KNL1: variants seen among roughly 807,000 people sequenced by gnomAD.
KNL1 encodes the protein kinetochore scaffold 1.
KNL1 carries 66 observed loss-of-function variants against 201.3 expected under a neutral mutation model. That is an observed-to-expected ratio of 0.33 (90% CI 0.27 to 0.40). The LOEUF (loss-of-function observed/expected upper bound fraction) is 0.40. Ranked by LOEUF, KNL1 falls within the 10% of genes least tolerant of loss-of-function variation. KNL1 has a pLI of 1.00. For missense variants in KNL1, 2,815 were observed against 2,690.5 expected (o/e 1.05, Z -1.02); for synonymous variants, 895 against 899.2 (o/e 1.00, Z 0.08).
At chr15:40,637,277 A>C (rs928570790) in intron 13 of KNL1, among the ~76,000 whole-genome samples, 1 of 149,058 alleles carries the variant, frequency 6.7e-6, no homozygotes, top group Non-Finnish European at 1.5e-5. Flanking sequence ...AGAGTTTACC[A>C]CAGTCCAGAT....
rs767848120 is a variant in KNL1 at position 40,624,229 on chromosome 15, TATGTG to T, written c.3968_3972del (p.Cys1323Ter). 6.2e-7 allele frequency: 1 copy of T among 1,613,996 alleles called. No homozygotes were observed. Among genetic ancestry groups the T allele is most frequent in the Non-Finnish European group, 8.5e-7 (1 of 1,179,946 alleles). On this transcript the variant is annotated frameshift_variant, in exon 10 of 26. Transcript: ENST00000399668. LOFTEE classifies it high-confidence loss of function. ...AATTTGGAGGGTAGTGCCATGCTCTTATGTGATAAAGATGAGGAAAAAGCCAATTA... is the reference window on the plus strand; with the variant it reads ...AATTTGGAGGGTAGTGCCATGCTCTTATAAAGATGAGGAAAAAGCCAATTA...
rs775508939 is a variant in KNL1, at chr15:40,622,645, TAAC to T, written c.2387_2389del (p.Thr796del). 2 of 1,593,832 alleles carry T rather than the reference TAAC, an allele frequency of 1.3e-6. No homozygotes were observed. Among genetic ancestry groups the T allele is most frequent in the African/African-American group, 1.4e-5 (1 of 73,838 alleles). On this transcript the variant is annotated inframe_deletion, in exon 10 of 26. Transcript: ENST00000399668. Reference sequence around the variant, plus strand: ...AATTTAGAACACACTACTGGCCAGCTAACAACAATGAACAGACAGATAGCTGTA... The same window carrying T: ...AATTTAGAACACACTACTGGCCAGCTAACAATGAACAGACAGATAGCTGTA...
rs761149870 is a variant in KNL1, at chr15:40,659,364, G to T, written c.6739G>T (p.Ala2247Ser). The T allele has an allele frequency of 1.2e-6, 2 of 1,612,490 alleles. No individual in the cohort carries two copies. Among genetic ancestry groups the T allele is most frequent in the African/African-American group, 1.3e-5 (1 of 74,920 alleles). ...ATTGAGACTTTTATTCTCTAGCTCC[G>T]CAGCATTTGCAAAGTTTGAAATAAC... ...NELRLLFSSS[A>S]AFAKFEITLF... The change falls in exon 25 of 26, where the codon GCA becomes TCA. Residue 2247 changes from alanine (A) to serine (S), a missense_variant. By Grantham distance (99) the Ala-to-Ser change is moderately conservative. Transcript: ENST00000399668.
At position 40,651,529 on chromosome 15, in the gene KNL1, C is replaced by A. The variant is rs1377753501; in HGVS notation, c.6271C>A (p.Gln2091Lys). The change falls in exon 20 of 26, where the codon CAA (glutamine) becomes AAA (lysine). Residue 2091 changes from glutamine (Q) to lysine (K), a missense_variant. Transcript: ENST00000399668. Reference sequence around the variant, plus strand: ...GACCCTTGCTCAAATAGACTTTATGCAAAAACAAAGAAATAGAACTGAAGA... The same window carrying A: ...GACCCTTGCTCAAATAGACTTTATGAAAAAACAAAGAAATAGAACTGAAGA... Reference protein sequence around the residue: ...EQTLAQIDFMQKQRNRTEELL... With the variant: ...EQTLAQIDFMKKQRNRTEELL... 2 of 1,609,056 alleles carry A rather than the reference C, an allele frequency of 1.2e-6. No individual in the cohort carries two copies. Among genetic ancestry groups the A allele is most frequent in the Admixed American group, 3.4e-5 (2 of 58,670 alleles).
chr15:40,623,552 A>G lies in KNL1; in HGVS notation c.3288A>G (p.Ile1096Met). The G allele has an allele frequency of 6.2e-7, 1 of 1,613,730 alleles. No individual in the cohort carries two copies. The highest frequency in any genetic ancestry group is 1.3e-5 in the African/African-American group (1 of 75,050). The change falls in exon 10 of 26, where the codon ATA becomes ATG. Residue 1096 changes from isoleucine (I) to methionine (M), a missense_variant. Physicochemically the swap from Ile to Met is conservative, Grantham distance 10. Transcript: ENST00000399668. ...MDITQSCMVE[I>M]DNESALEDKE... ...TTACCCAGAGTTGTATGGTGGAAAT[A>G]GATAACGAAAGTGCCCTGGAGGATA... is the stretch of plus-strand genomic sequence containing the variant.
Position 40,620,789 on chromosome 15 carries a change from C to T in KNL1, c.525C>T (p.Thr175=). The T allele has an allele frequency of 6.2e-7, 1 of 1,612,988 alleles. No individual in the cohort carries two copies. The change falls in exon 10 of 26, where the codon ACC becomes ACT. Residue 175 remains threonine (T), a synonymous_variant. Coordinates refer to ENST00000399668, the MANE Select transcript of KNL1 (RefSeq NM_144508.5). The stretch of plus-strand genomic sequence containing the variant: ...ATAATCCCATAAGTGAAAAGTCCAC[C>T]AAGATAGATACCACATCATTTCTAG... ...LLDNPISEKS[T]KIDTTSFLAN... is the part of the protein sequence containing the mutation.
rs144606646 is a variant in KNL1, at chr15:40,654,192, G to A, written c.6416-717G>A. Reference sequence around the variant, plus strand: ...AGTTAACTCTAGAGTCTGGGGGAGCGAGCAGCTATCTCAGCTACCTAAAAT... The same window carrying A: ...AGTTAACTCTAGAGTCTGGGGGAGCAAGCAGCTATCTCAGCTACCTAAAAT... On this transcript the variant is annotated intron_variant, in intron 21 of 25. Transcript: ENST00000399668. Among the ~76,000 whole-genome samples the A allele has an allele frequency of 6.4e-4, 97 of 152,140 alleles. 1 individual carries two copies. The highest frequency in any genetic ancestry group is 6.8e-3 in the Middle Eastern group (2 of 294).
intron 8 of KNL1, among the ~76,000 whole-genome samples, chr15:40,616,381 C>T (rs532227710): frequency 4.6e-5 from 7 of 152,262 alleles, no homozygotes; most frequent in African/African-American, 1.7e-4. Flanking sequence ...CCCGCCTCGG[C>T]CTCCCAAAGT....
intron 22 of KNL1, among the ~76,000 whole-genome samples, chr15:40,656,667 C>T (rs1489386575): frequency 2.0e-5 from 3 of 152,100 alleles, no homozygotes; most frequent in Admixed American, 2.0e-4. Flanking sequence ...GGGTGGATTA[C>T]CTGACATCAG....
Position 40,622,464 on chromosome 15 carries a change from GAGCCACTGAGGAAAAGTTTAAGCA to G in KNL1, c.2202_2225del (p.Glu734_Asn742delinsAsp). ...ACTAGGCCAGAATTCTAAACTGGCT[GAGCCACTGAGGAAAAGTTTAAGCA>G]ATCCCACACCTGACTATTGCCATGA... On this transcript the variant is annotated inframe_deletion, in exon 10 of 26. Transcript: ENST00000399668. The G allele has an allele frequency of 6.2e-7, 1 of 1,613,968 alleles. No individual in the cohort carries two copies. Among genetic ancestry groups the G allele is most frequent in the Non-Finnish European group, 8.5e-7 (1 of 1,179,914 alleles).
intron 12 of KNL1, 91 bp downstream of exon 12, chr15:40,628,769 A>G: frequency 1.3e-6 from 1 of 795,122 alleles, no homozygotes. Flanking sequence ...TTGGTTTAAA[A>G]AATTTTTTTT....
At chr15:40,636,427 A>T (rs1204902311) in intron 13 of KNL1, among the ~76,000 whole-genome samples, 1 of 152,204 alleles carries the variant, frequency 6.6e-6, no homozygotes, top group African/African-American at 2.4e-5. Flanking sequence ...AAAGTTTATG[A>T]TGAAACCTTT....
Position 40,610,255 on chromosome 15 carries a change from ACGG to A in KNL1, c.209_211del (p.Thr70_Glu71delinsLys), listed in dbSNP as rs774256085. 6.7e-7 allele frequency: 1 copy of A among 1,495,268 alleles called. No homozygotes were observed. Among genetic ancestry groups the A allele is most frequent in the East Asian group, 2.3e-5 (1 of 44,238 alleles). The allele number at this position is 1,495,268 out of a possible 1,614,324, so 92.6% of individuals were successfully genotyped here. A position where few individuals can be genotyped will look rare whatever the true frequency, so the allele number is the denominator to read the frequency against. On this transcript the variant is annotated inframe_deletion, in exon 6 of 26. Transcript: ENST00000399668. ...TATTTTCTCTTCTAGGGTATTCCAG[ACGG>A]AGTCTCATATGAAAATAGTGAGAAA...
chr15:40,612,532 T>C (rs967507798), intron 7 of KNL1, among the ~76,000 whole-genome samples: 57 of 151,936 alleles, frequency 3.8e-4, no homozygotes, highest in Non-Finnish European at 8.8e-5. Context: ...GTTTGTTTGT[T>C]GTTTAGACGG....
In KNL1 at chr15:40,657,064, C is replaced by A; in HGVS notation, c.6507C>A (p.Ser2169=). The A allele has an allele frequency of 6.3e-7, 1 of 1,587,892 alleles. No homozygotes were observed. Among genetic ancestry groups the A allele is most frequent in the South Asian group, 1.2e-5 (1 of 85,988 alleles). ...CAGAGGATCAAGCTCCTCCTTCCTC[C>A]CTTTTAGTTCATAAGCTTATTTTCC... The part of the protein sequence containing the change: ...LLDEDQAPPS[S]LLVHKLIFQY... Residue 2169 remains serine (S), a synonymous_variant, in exon 23 of 26, where the codon TCC becomes TCA. Transcript: ENST00000399668.
chr15:40,607,197 G>A (rs939363177), intron 4 of KNL1, among the ~76,000 whole-genome samples: 4 of 152,216 alleles, frequency 2.6e-5, no homozygotes, highest in African/African-American at 9.6e-5. Flanking sequence ...ATCGTGCTGG[G>A]CCTTTCTTTT....
intron 13 of KNL1, among the ~76,000 whole-genome samples, chr15:40,639,939 G>A (rs1567017264): frequency 6.6e-6 from 1 of 152,102 alleles, no homozygotes; most frequent in South Asian, 2.1e-4. Context: ...GCCAGGCGTG[G>A]TGACACATCT....
intron 15 of KNL1, 51 bp from the exon 16 acceptor site, chr15:40,645,605 C>A: frequency 9.8e-7 from 1 of 1,018,324 alleles, no homozygotes. Context: ...CCATTTACCT[C>A]TTCTGACTCG....
At chr15:40,608,149 C>A (rs1892034590) in intron 4 of KNL1, among the ~76,000 whole-genome samples, 1 of 152,088 alleles carries the variant, frequency 6.6e-6, no homozygotes, top group Non-Finnish European at 1.5e-5. Flanking sequence ...CTGACACATA[C>A]TACAAAATGT....
Sources: allele counts gnomAD v4.1 joint callset (sites outside exome capture counted in the v4.1 genomes callset), GRCh38; gene constraint gnomAD v4.1.1; transcripts MANE v1.5; gene names NCBI Gene and HGNC (gene_info 2026-07-23, HGNC 2026-07-21).